The following IL21R variants were observed in gnomAD, a reference collection of about 807,000 sequenced individuals.
IL21R encodes the protein interleukin 21 receptor, also known as interleukin-21 receptor.
Under a neutral mutation model 41.3 loss-of-function variants are expected in IL21R, and 14 were observed. The observed-to-expected ratio is 0.34, with a 90% CI of 0.22 to 0.53. IL21R has a LOEUF of 0.53. IL21R is among the 20% of genes least tolerant of loss of function. IL21R has a pLI of 0.94. For missense variants in IL21R, 588 were observed against 681.6 expected, an observed-to-expected ratio of 0.86 and a Z score of 1.53; for synonymous variants, 286 against 287.6, an observed-to-expected ratio of 0.99 and a Z score of 0.05.
intron 1 of IL21R, among the ~76,000 whole-genome samples, chr16:27,426,956 C>T (rs531893133): frequency 6.6e-6 from 1 of 152,116 alleles, no homozygotes; most frequent in Non-Finnish European, 1.5e-5. Flanking sequence ...GGATCCAGGA[C>T]CTCCCATGAT....
At chr16:27,428,029 T>C (rs2087106972) in intron 1 of IL21R, among the ~76,000 whole-genome samples, 1 of 152,244 alleles carries the variant, frequency 6.6e-6, no homozygotes, top group African/African-American at 2.4e-5. Flanking sequence ...TATACAAATA[T>C]GGCCAAAATT....
At chr16:27,408,789 A>C (rs1441659689) in intron 1 of IL21R, among the ~76,000 whole-genome samples, 1 of 151,908 alleles carries the variant, frequency 6.6e-6, no homozygotes, top group African/African-American at 2.4e-5. Context: ...CCCACCTTTC[A>C]CTTTCAGCCC....
At position 27,438,713 on chromosome 16, in the gene IL21R, C is replaced by CA. The variant is rs575561278; in HGVS notation, c.352+1033dup. Among the ~76,000 whole-genome samples the CA allele has an allele frequency of 3.6e-3, 542 of 151,976 alleles. 3 individuals carry two copies. Among genetic ancestry groups the CA allele is most frequent in the African/African-American group, 0.012 (498 of 41,478 alleles). On this transcript the variant is annotated intron_variant, in intron 4 of 8. Transcript: ENST00000337929. ...TGAAACCCCATCTCTACTAAAAATACAAAAAAATTTGCCGGGCGTGGTGGC... is the reference window on the plus strand; with the variant it reads ...TGAAACCCCATCTCTACTAAAAATACAAAAAAAATTTGCCGGGCGTGGTGGC...
intron 1 of IL21R, among the ~76,000 whole-genome samples, chr16:27,412,300 A>G (rs62032066): frequency 0.018 from 2,696 of 152,190 alleles, 40 homozygotes; most frequent in Non-Finnish European, 0.025. Flanking sequence ...CTGTATATCT[A>G]TCTGTATGCC....
chr16:27,417,253 T>A (rs375345140), intron 1 of IL21R, among the ~76,000 whole-genome samples: 18 of 150,608 alleles, frequency 1.2e-4, no homozygotes, highest in African/African-American at 4.1e-4. Flanking sequence ...CCTCAAACTC[T>A]TGGGCTCATG....
chr16:27,434,601 C>T (rs2087234704), intron 3 of IL21R, 152 bp downstream of exon 3: 1 of 600,512 alleles, frequency 1.7e-6, no homozygotes, highest in Admixed American at 2.7e-5. Context: ...CAGGAGCCCG[C>T]AGGGTTGGTC....
At chr16:27,429,967 C>A in intron 1 of IL21R, 89 bp from the exon 2 acceptor site, 1 of 1,131,710 alleles carries the variant, frequency 8.8e-7, no homozygotes, top group Admixed American at 2.1e-5. Flanking sequence ...GAATCAGGGG[C>A]AAGTCTGCCT....
chr16:27,407,290 A>C (rs1389762483), intron 1 of IL21R, among the ~76,000 whole-genome samples: 1 of 152,176 alleles, frequency 6.6e-6, no homozygotes, highest in Non-Finnish European at 1.5e-5. Flanking sequence ...ACACATACAC[A>C]GAGACATTTA....
At chr16:27,422,926 T>G (rs931122568) in intron 1 of IL21R, among the ~76,000 whole-genome samples, 1 of 152,216 alleles carries the variant, frequency 6.6e-6, no homozygotes, top group Admixed American at 6.5e-5. Context: ...CTTGATGCAG[T>G]CAAGAATGAA....
intron 1 of IL21R, among the ~76,000 whole-genome samples, chr16:27,409,863 A>G (rs1448624433): frequency 6.6e-6 from 1 of 152,184 alleles, no homozygotes; most frequent in Non-Finnish European, 1.5e-5. Context: ...ACCAAAGAAA[A>G]TCTTGCTGGA....
Position 27,430,040 on chromosome 16 carries a change from T to C in IL21R, c.-16-16T>C. On this transcript the variant is annotated splice_polypyrimidine_tract_variant and intron_variant, in intron 1 of 8. Transcript: ENST00000337929. The stretch of plus-strand genomic sequence containing the variant: ...TGAGCCCGCCTGGCTCACCCTCCAC[T>C]GTACGTCTCTTGCAGGCCCGTGGGA... 6.2e-7 allele frequency: 1 copy of C among 1,604,794 alleles called. No homozygotes were observed. The highest frequency in any genetic ancestry group is 8.5e-7 in the Non-Finnish European group (1 of 1,179,420).
At chr16:27,415,472 C>T (rs899601759) in intron 1 of IL21R, among the ~76,000 whole-genome samples, 3 of 152,162 alleles carry the variant, frequency 2.0e-5, no homozygotes, top group African/African-American at 7.2e-5. Context: ...GTCATGGCAA[C>T]CGGTTTTTGG....
chr16:27,410,248 G>T (rs2086805689), intron 1 of IL21R, among the ~76,000 whole-genome samples: 1 of 149,646 alleles, frequency 6.7e-6, no homozygotes, highest in Non-Finnish European at 1.5e-5. Flanking sequence ...AGGCAGAATT[G>T]CTTGAACCCA....
intron 1 of IL21R, among the ~76,000 whole-genome samples, chr16:27,423,207 T>C (rs1040966653): frequency 2.0e-5 from 3 of 151,618 alleles, no homozygotes; most frequent in Admixed American, 6.6e-5. Context: ...TTAAGTACTA[T>C]ATAAGTTGGC....
intron 1 of IL21R, among the ~76,000 whole-genome samples, chr16:27,420,546 C>G (rs1277324821): frequency 1.3e-5 from 2 of 152,200 alleles, no homozygotes; most frequent in Non-Finnish European, 2.9e-5. Flanking sequence ...TGATTTGCAT[C>G]TCTCTAGAGA....
At chr16:27,410,338 A>G (rs999198668) in intron 1 of IL21R, among the ~76,000 whole-genome samples, 3 of 152,154 alleles carry the variant, frequency 2.0e-5, no homozygotes, top group Non-Finnish European at 4.4e-5. Context: ...ATCTCAAAAA[A>G]AAAAAAAAAG....
rs2087597291 is a variant in IL21R, at chr16:27,451,464, T to C, written c.*2181T>C. ...TGGCTCACACCTGTGATCTCAGCAC[T>C]TTGGGAGGCCAAGGAAGGTGGATCA... On this transcript the variant is annotated 3_prime_UTR_variant, in exon 9 of 9. Coordinates refer to ENST00000337929, the MANE Select transcript of IL21R (RefSeq NM_181078.3). The C allele has an allele frequency of 4.6e-6, 1 of 216,480 alleles. No homozygotes were observed. Among genetic ancestry groups the C allele is most frequent in the Non-Finnish European group, 9.3e-6 (1 of 107,572 alleles). The allele number at this position is 216,480 out of a possible 1,614,324, so 13.4% of individuals were successfully genotyped here.
intron 8 of IL21R, 151 bp downstream of exon 8, chr16:27,446,239 T>G (rs1006484188): frequency 8.7e-6 from 5 of 576,412 alleles, no homozygotes; most frequent in Non-Finnish European, 1.5e-5. Context: ...AGTTTCCCCA[T>G]GTGCAAAGTG....
intron 2 of IL21R, among the ~76,000 whole-genome samples, chr16:27,431,694 A>G (rs2087175102): frequency 6.6e-6 from 1 of 151,768 alleles, no homozygotes; most frequent in Non-Finnish European, 1.5e-5. Flanking sequence ...TTTCTCACAC[A>G]GGCTGGAGTG....
Sources: allele counts gnomAD v4.1 joint callset (sites outside exome capture counted in the v4.1 genomes callset), GRCh38; gene constraint gnomAD v4.1.1; transcripts MANE v1.5; gene names NCBI Gene and HGNC (gene_info 2026-07-23, HGNC 2026-07-21).